Variants in BEST4 observed in about 807,000 individuals in gnomAD.
BEST4 encodes bestrophin-4.
Under a neutral mutation model 47.1 loss-of-function variants are expected in BEST4, and 36 were observed. The ratio of observed to expected loss-of-function variants is 0.76; its 90% confidence interval spans 0.59 to 1.01. The LOEUF (loss-of-function observed/expected upper bound fraction) is 1.01. BEST4 is among the 50% of genes least tolerant of loss of function. BEST4 has a pLI of 0.00. For missense variants in BEST4, 550 were observed against 648.6 expected (o/e 0.85, Z 1.65); for synonymous variants, 250 against 277.8 (o/e 0.90, Z 1.00).
At chr1:44,782,633 TAAATAAATAAATAAATA>T (rs1651074414), downstream of BEST4, among the ~76,000 whole-genome samples, 1 of 43,398 alleles carries the variant, frequency 2.3e-5, no homozygotes, top group Non-Finnish European at 4.0e-5. Context: ...CCGTCTCAAA[TAAATAAATAAATAAATA>T]AATAAATAAA....
chr1:44,784,702 G>A lies in BEST4; in HGVS notation c.1075C>T (p.Gln359Ter), dbSNP rs776266325. The change falls in exon 8 of 9, where the codon CAG becomes TAG. Residue 359 changes from glutamine (Q) to a stop codon, truncating the protein, a stop_gained. Transcript: ENST00000372207. LOFTEE classifies it high-confidence loss of function. The surrounding 1 kb of genome is among the most constrained non-coding windows in gnomAD (Gnocchi z 6.2). ...GCCGTGGCCACAGTGTAGGGTGGCT[G>A]CGGCTGGTCCTCATCCCAGTACTGG... ...KDQYWDEDQP[Q>*]PPYTVATAAE... The A allele has an allele frequency of 1.2e-6, 2 of 1,611,832 alleles. No homozygotes were observed. The highest frequency in any genetic ancestry group is 1.7e-6 in the Non-Finnish European group (2 of 1,179,100).
At chr1:44,792,561 G>A (rs564304808), upstream of BEST4, among the ~76,000 whole-genome samples, 2 of 152,166 alleles carry the variant, frequency 1.3e-5, no homozygotes, top group Admixed American at 1.3e-4. Flanking sequence ...AAGTGCTACC[G>A]TGGCTATCAG....
chr1:44,785,185 G>A lies in BEST4; in HGVS notation c.835C>T (p.Pro279Ser). The A allele has an allele frequency of 1.2e-6, 2 of 1,614,052 alleles. No individual in the cohort carries two copies. The highest frequency in any genetic ancestry group is 2.2e-5 in the South Asian group (2 of 91,072). Residue 279 changes from proline (P) to serine (S), a missense_variant, in exon 6 of 9, where the codon CCA (proline) becomes TCA (serine). Around this residue, in one of 3 missense-constraint regions of BEST4, gnomAD observed 255 missense variants for 286.6 expected, o/e 0.89. Coordinates refer to ENST00000372207, the MANE Select transcript of BEST4 (RefSeq NM_153274.3). ...TACATGTCCGGGTCTCCCAGGGCTG[G>A]GGCTGGCTCCTGGCCTGGCTTCAGA... Reference protein sequence around the residue: ...KLLKPGQEPAPALGDPDMYVP... With the variant: ...KLLKPGQEPASALGDPDMYVP...
At position 44,784,560 on chromosome 1, in the gene BEST4, G is replaced by A. The variant is rs559437180; in HGVS notation, c.1148+69C>T. 1 of 1,544,740 alleles carries A rather than the reference G, an allele frequency of 6.5e-7. No individual in the cohort carries two copies. Among genetic ancestry groups the A allele is most frequent in the East Asian group, 2.4e-5 (1 of 41,336 alleles). On this transcript the variant is annotated intron_variant, in intron 8 of 8. Coordinates refer to ENST00000372207, the MANE Select transcript of BEST4 (RefSeq NM_153274.3). The surrounding 1 kb of genome is among the most constrained non-coding windows in gnomAD (Gnocchi z 6.2). ...CGGGATCGGCTCTCGGGGAAGGACC[G>A]AGGCATCGGTGCCCCAGAGGCTGAG...
rs763602126 is a variant in BEST4 at position 44,787,366 on chromosome 1, C to A, written c.247+6G>T. ...GGACACAGGGAAAACTAGAAGGGAG[C>A]CTTACCCAATACAAAGGACAAGGGA... On this transcript the variant is annotated splice_donor_region_variant and intron_variant, in intron 2 of 8. Coordinates refer to ENST00000372207, the MANE Select transcript of BEST4 (RefSeq NM_153274.3). 12 of 1,613,776 alleles carry A rather than the reference C, an allele frequency of 7.4e-6. No homozygotes were observed. The highest frequency in any genetic ancestry group is 5.3e-5 in the African/African-American group (4 of 74,852).
Position 44,786,239 on chromosome 1 carries a change from A to C in BEST4, c.482-11T>G, listed in dbSNP as rs1228971731. 6.2e-7 allele frequency: 1 copy of C among 1,608,754 alleles called. No homozygotes were observed. The highest frequency in any genetic ancestry group is 1.7e-5 in the Admixed American group (1 of 59,010). On this transcript the variant is annotated splice_polypyrimidine_tract_variant and intron_variant, in intron 3 of 8. Coordinates refer to ENST00000372207, the MANE Select transcript of BEST4 (RefSeq NM_153274.3). This position sits in a 1 kb window ranked among gnomAD's most constrained non-coding sequence, Gnocchi z 4.9. ...CCTGGGACATGAAACCTGAGGGGGT[A>C]AAGCAGGTGGGGTGCAGTTGCACCC... is the stretch of plus-strand genomic sequence containing the variant.
upstream of BEST4, among the ~76,000 whole-genome samples, chr1:44,790,495 A>T (rs1271896039): frequency 6.6e-6 from 1 of 151,836 alleles, no homozygotes; most frequent in African/African-American, 2.4e-5. Context: ...TCCCCAGGTT[A>T]CTCCTCAAAA....
Position 44,786,510 on chromosome 1 carries a change from G to T in BEST4, c.434C>A (p.Thr145Asn). ...GGTGGGGAAGCGCTTAAGCACGCGG[G>T]TGCTGACCGAGCGCAGCACCAGCAC... ...ASVLVLRSVS[T>N]RVLKRFPTME... The change falls in exon 3 of 9, where the codon ACC becomes AAC. Residue 145 changes from threonine to asparagine, a missense_variant. Coordinates refer to ENST00000372207, the MANE Select transcript of BEST4 (RefSeq NM_153274.3). The surrounding 1 kb of genome is among the most constrained non-coding windows in gnomAD (Gnocchi z 4.9). The T allele has an allele frequency of 6.5e-7, 1 of 1,547,314 alleles. No homozygotes were observed. The highest frequency in any genetic ancestry group is 8.7e-7 in the Non-Finnish European group (1 of 1,146,922).
chr1:44,786,313 G>A lies in BEST4; in HGVS notation c.482-85C>T, dbSNP rs1651229790. On this transcript the variant is annotated intron_variant, in intron 3 of 8. Coordinates refer to ENST00000372207, the MANE Select transcript of BEST4 (RefSeq NM_153274.3). This position sits in a 1 kb window ranked among gnomAD's most constrained non-coding sequence, Gnocchi z 4.9. ...TTCCGCCGTCTGGCTCCCCTCCCTC[G>A]CGTCCACCGGCTGTCCCAGGACTCG... The A allele has an allele frequency of 2.7e-6, 4 of 1,492,256 alleles. No homozygotes were observed. Among genetic ancestry groups the A allele is most frequent in the African/African-American group, 1.4e-5 (1 of 71,470 alleles). The allele number at this position is 1,492,256 out of a possible 1,614,324, so 92.4% of individuals were successfully genotyped here.
At position 44,787,379 on chromosome 1, in the gene BEST4, A is replaced by G. The variant is rs761244505; in HGVS notation, c.240T>C (p.Phe80=). ...ACTAGAAGGGAGCCTTACCCAATAC[A>G]AAGGACAAGGGAATGAGGTCTGCTG... ...NRSADLIPLS[F]VLGFYVTLVV... is the part of the protein sequence containing the mutation. Residue 80 remains phenylalanine (F), a synonymous_variant, in exon 2 of 9, where the codon TTT becomes TTC. Coordinates refer to ENST00000372207, the MANE Select transcript of BEST4 (RefSeq NM_153274.3). 9.9e-6 allele frequency: 16 copies of G among 1,613,906 alleles called. No homozygotes were observed. The highest frequency in any genetic ancestry group is 3.3e-4 in the Middle Eastern group (2 of 6,084).
downstream of BEST4, among the ~76,000 whole-genome samples, chr1:44,782,995 C>T (rs761957755): frequency 1.2e-4 from 18 of 152,022 alleles, no homozygotes; most frequent in African/African-American, 3.6e-4. Context: ...GCTCTGTAAC[C>T]GAGAGCTAGA....
rs1484659087 is a variant in BEST4 at position 44,787,635 on chromosome 1, C to T, written c.71G>A (p.Trp24Ter). The stretch of plus-strand genomic sequence containing the variant: ...GAGGAGCTTGTAGATGCTTCCCCTC[C>T]AGCGGAGAAGCAGGCCAGAGAAACC... ...FGGFSGLLLR[W>*]RGSIYKLLYK... Residue 24 changes from tryptophan (W) to a stop codon, truncating the protein, a stop_gained, in exon 1 of 9, where the codon TGG (tryptophan) becomes TAG (stop). Coordinates refer to ENST00000372207, the MANE Select transcript of BEST4 (RefSeq NM_153274.3). LOFTEE classifies it high-confidence loss of function. 6.2e-7 allele frequency: 1 copy of T among 1,614,184 alleles called. No homozygotes were observed. Among genetic ancestry groups the T allele is most frequent in the South Asian group, 1.1e-5 (1 of 91,088 alleles).
Position 44,784,437 on chromosome 1 carries a change from CG to C in BEST4, c.1194del (p.Gly399AspfsTer20), listed in dbSNP as rs1446950260. On this transcript the variant is annotated frameshift_variant, in exon 9 of 9. Transcript: ENST00000372207. LOFTEE classifies it low-confidence loss of function (END_TRUNC). The surrounding 1 kb of genome is among the most constrained non-coding windows in gnomAD (Gnocchi z 6.2). ...GCGGCGGGCGCGGGCCGACCAGATC[CG>C]GGGGACGCCTCCACCTGCAGGCTCT... ...PEQSLQVEAS[P>X]GSGRPAPAAQ... 2.5e-6 allele frequency: 3 copies of C among 1,179,964 alleles called. No individual in the cohort carries two copies. The highest frequency in any genetic ancestry group is 1.5e-5 in the South Asian group (1 of 66,134). 73.1% of individuals were successfully genotyped at this position (1,179,964 alleles called of 1,614,324 possible).
At position 44,786,167 on chromosome 1, in the gene BEST4, G is replaced by A; in HGVS notation, c.543C>T (p.Tyr181=). The A allele has an allele frequency of 1.2e-6, 2 of 1,614,142 alleles. No individual in the cohort carries two copies. The highest frequency in any genetic ancestry group is 1.7e-6 in the Non-Finnish European group (2 of 1,180,010). Residue 181 remains tyrosine (Y), a synonymous_variant, in exon 4 of 9, where the codon TAC becomes TAT. Coordinates refer to ENST00000372207, the MANE Select transcript of BEST4 (RefSeq NM_153274.3). The surrounding 1 kb of genome is among the most constrained non-coding windows in gnomAD (Gnocchi z 4.9). The part of the protein sequence containing the change: ...FESLKSDFNK[Y]WVPCVWFTNL... ...TGGTGAACCAGACGCAGGGGACCCAGTACTTGTTGAAGTCGGATTTCAGGC... is the reference window on the plus strand; with the variant it reads ...TGGTGAACCAGACGCAGGGGACCCAATACTTGTTGAAGTCGGATTTCAGGC...
At position 44,787,581 on chromosome 1, in the gene BEST4, A is replaced by G. The variant is rs746960370; in HGVS notation, c.125T>C (p.Leu42Ser). The G allele has an allele frequency of 1.1e-4, 171 of 1,614,108 alleles. No individual in the cohort carries two copies. Among genetic ancestry groups the G allele is most frequent in the Non-Finnish European group, 1.4e-4 (162 of 1,180,036 alleles). The change falls in exon 1 of 9, where the codon TTG becomes TCG. Residue 42 changes from leucine to serine, a missense_variant. This residue lies in a region of BEST4 where 291 missense variants were observed against 342.4 expected (regional missense o/e 0.85). Coordinates refer to ENST00000372207, the MANE Select transcript of BEST4 (RefSeq NM_153274.3). ...GTAGGTGATGCTAAGCACAGCGTAC[A>G]AGGCCCCAAAGAGGAGGAATTCCTT... Reference protein sequence around the residue: ...LYKEFLLFGALYAVLSITYRL... With the variant: ...LYKEFLLFGASYAVLSITYRL...
chr1:44,782,661 TAAATA>T (rs1255762564), downstream of BEST4, among the ~76,000 whole-genome samples: 3 of 140,510 alleles, frequency 2.1e-5, no homozygotes, highest in Admixed American at 6.8e-5. Flanking sequence ...AATAAATAAA[TAAATA>T]AATAAGAAAT....
Position 44,784,852 on chromosome 1 carries a change from G to A in BEST4, c.993+53C>T. On this transcript the variant is annotated intron_variant, in intron 7 of 8. Transcript: ENST00000372207. This position sits in a 1 kb window ranked among gnomAD's most constrained non-coding sequence, Gnocchi z 6.2. Reference sequence around the variant, plus strand: ...CCCACGGCCGGGCTGAGAGCTGACCGGGAGAGGGGGCCCAGGAGCTGCCCT... The same window carrying A: ...CCCACGGCCGGGCTGAGAGCTGACCAGGAGAGGGGGCCCAGGAGCTGCCCT... 2 of 1,611,006 alleles carry A rather than the reference G, an allele frequency of 1.2e-6. No individual in the cohort carries two copies. The highest frequency in any genetic ancestry group is 8.5e-7 in the Non-Finnish European group (1 of 1,178,252).
Position 44,784,526 on chromosome 1 carries a change from GC to G in BEST4, c.1149-44del, listed in dbSNP as rs1651147928. ...GGCTGAGCCGGGGCACAGGGCGGGA[GC>G]GGGGACGCGGGATCGGCTCTCGGGG... On this transcript the variant is annotated intron_variant, in intron 8 of 8. Transcript: ENST00000372207. The surrounding 1 kb of genome is among the most constrained non-coding windows in gnomAD (Gnocchi z 6.2). 2.0e-6 allele frequency: 3 copies of G among 1,499,180 alleles called. No individual in the cohort carries two copies. The African/African-American group carries it at 4.2e-5, about 21-fold the overall frequency. 92.9% of individuals were successfully genotyped at this position (1,499,180 alleles called of 1,614,324 possible).
In BEST4 at chr1:44,785,632, A is replaced by G. The variant is rs1304127153; in HGVS notation, c.681T>C (p.Tyr227=). ...YRAKCSMLFH[Y]DWISIPLVYT... ...AGACGAGGGGGATGCTGATCCAGTCATAGTGGAATAGCATGCTGCACTTGG... is the reference window on the plus strand; with the variant it reads ...AGACGAGGGGGATGCTGATCCAGTCGTAGTGGAATAGCATGCTGCACTTGG... Residue 227 remains tyrosine, a synonymous_variant, in exon 5 of 9, where the codon TAT becomes TAC. Coordinates refer to ENST00000372207, the MANE Select transcript of BEST4 (RefSeq NM_153274.3). The G allele has an allele frequency of 1.9e-6, 3 of 1,554,960 alleles. No individual in the cohort carries two copies. The highest frequency in any genetic ancestry group is 3.9e-5 in the Admixed American group (2 of 51,254).
Sources: gnomAD v4.1 joint callset for allele counts (sites outside exome capture counted in the v4.1 genomes callset) on GRCh38, gnomAD v4.1.1 for gene constraint, gnomAD v4.1.1 regional missense constraint, Gnocchi (gnomAD v3.1) non-coding constraint, MANE v1.5 for transcripts, NCBI Gene and HGNC (gene_info 2026-07-23, HGNC 2026-07-21) for gene names.